Variants in CSMD1 observed in about 807,000 individuals in gnomAD.
CSMD1 encodes the protein CUB and Sushi multiple domains 1.
A neutral mutation model predicts 417.5 loss-of-function variants in CSMD1; 213 were observed. That is an observed-to-expected ratio of 0.51 (90% CI 0.46 to 0.57). The LOEUF (loss-of-function observed/expected upper bound fraction) is 0.57, where lower values mean the gene tolerates loss of function less well. CSMD1 is among the 20% of genes least tolerant of loss of function. The probability of loss-of-function intolerance (pLI) is 0.00; values close to 1 mark genes in which losing one functional copy is unlikely to be tolerated. For missense variants in CSMD1, 6,923 were observed against 4,529.7 expected, an observed-to-expected ratio of 1.53 and a Z score of -15.17; for synonymous variants, 2,862 against 1,736.8, an observed-to-expected ratio of 1.65 and a Z score of -16.11.
chr8:3,191,430 T>C (rs1265984040), intron 33 of CSMD1, among the ~76,000 whole-genome samples: 1 of 152,102 alleles, frequency 6.6e-6, no homozygotes, highest in African/African-American at 2.4e-5. Flanking sequence ...CACTCCAGCC[T>C]GGGTGAAAGA....
chr8:3,121,149 T>C (rs1382320859), intron 41 of CSMD1, among the ~76,000 whole-genome samples: 1 of 152,130 alleles, frequency 6.6e-6, no homozygotes. Flanking sequence ...TATCTTTCAA[T>C]AGTCACAGAT....
rs147650219 is a variant in CSMD1 at position 3,522,555 on chromosome 8, C to A, written c.1345-28829G>T. ...CCCCTGAGTTATAAGTACTTTATGA[C>A]TGAGAATAGAGAAAGAAATGGGAAC... On this transcript the variant is annotated intron_variant, in intron 10 of 69. Coordinates refer to ENST00000635120, the MANE Select transcript of CSMD1 (RefSeq NM_033225.6). Among the ~76,000 whole-genome samples the A allele has an allele frequency of 1.0e-3, 159 of 152,164 alleles. 2 individuals are homozygous for A. Among genetic ancestry groups the A allele is most frequent in the Admixed American group, 8.0e-3 (122 of 15,268 alleles).
At chr8:4,435,960 C>T (rs1285841700) in intron 2 of CSMD1, among the ~76,000 whole-genome samples, 1 of 152,156 alleles carries the variant, frequency 6.6e-6, no homozygotes, top group African/African-American at 2.4e-5. Flanking sequence ...GCCTTTACAT[C>T]CACACATCAC....
chr8:2,957,763 A>G lies in CSMD1; in HGVS notation c.9747T>C (p.Ile3249=), dbSNP rs1341317813. 2.5e-5 allele frequency: 40 copies of G among 1,598,452 alleles called. No homozygotes were observed. Among genetic ancestry groups the G allele is most frequent in the Non-Finnish European group, 3.4e-5 (40 of 1,171,690 alleles). Residue 3249 remains isoleucine (I), a synonymous_variant, in exon 63 of 70, where the codon ATT becomes ATC. Coordinates refer to ENST00000635120, the MANE Select transcript of CSMD1 (RefSeq NM_033225.6). ...GGCAGGTGCGAGTCGTGGAACCTTG[A>G]ATATGGTAGCCTTTTCTGCACCTGA... is the stretch of plus-strand genomic sequence containing the variant. ...VFFRCRKGYH[I]QGSTTRTCLA...
chr8:3,760,682 C>A (rs939562213), intron 5 of CSMD1, among the ~76,000 whole-genome samples: 1 of 152,172 alleles, frequency 6.6e-6, no homozygotes, highest in Non-Finnish European at 1.5e-5. Context: ...TTTGGAAATG[C>A]TAATGGTTTT....
intron 3 of CSMD1, among the ~76,000 whole-genome samples, chr8:4,135,825 T>C (rs192819928): frequency 2.0e-3 from 302 of 152,292 alleles, no homozygotes; most frequent in African/African-American, 7.0e-3. Flanking sequence ...AACAATGGGA[T>C]AGATGTAACT....
At chr8:4,120,335 T>C (rs1009612237) in intron 3 of CSMD1, among the ~76,000 whole-genome samples, 1 of 152,096 alleles carries the variant, frequency 6.6e-6, no homozygotes, top group Non-Finnish European at 1.5e-5. Flanking sequence ...TACTTAGCTA[T>C]AAGATAAGAT....
In CSMD1 at chr8:3,266,306, C is replaced by T. The variant is rs73500054; in HGVS notation, c.4153+17838G>A. The stretch of plus-strand genomic sequence containing the variant: ...GTAGCACCACAGTTCTGCAAGGGGC[C>T]GTTTAAGAGAACCACCCGGCCGGGC... On this transcript the variant is annotated intron_variant, in intron 26 of 69. Transcript: ENST00000635120. 6.6e-5 allele frequency among the ~76,000 whole-genome samples: 10 copies of T among 151,314 alleles called. No individual in the cohort carries two copies. The East Asian group carries it at 1.4e-3, about 21-fold the overall frequency.
intron 12 of CSMD1, among the ~76,000 whole-genome samples, chr8:3,459,662 G>C (rs1009498982): frequency 8.5e-5 from 13 of 152,128 alleles, no homozygotes; most frequent in African/African-American, 3.1e-4. Context: ...GGTGGACTCA[G>C]AGAACCAGAG....
In CSMD1 at chr8:2,964,858, G is replaced by C. The variant is rs188429842; in HGVS notation, c.9280+917C>G. On this transcript the variant is annotated intron_variant, in intron 59 of 69. Coordinates refer to ENST00000635120, the MANE Select transcript of CSMD1 (RefSeq NM_033225.6). ...TTTTGAGCATTCAGGTCACATTTAA[G>C]CCTCTGCCACATTTAACCATGTGTC... Among the ~76,000 whole-genome samples, 687 of 152,256 alleles carry C rather than the reference G, an allele frequency of 4.5e-3. 3 individuals carry two copies. Among genetic ancestry groups the C allele is most frequent in the African/African-American group, 0.016 (650 of 41,554 alleles).
intron 10 of CSMD1, among the ~76,000 whole-genome samples, chr8:3,557,817 T>C (rs1799221915): frequency 6.6e-6 from 1 of 152,208 alleles, no homozygotes; most frequent in Admixed American, 6.5e-5. Flanking sequence ...AGGTTGATTA[T>C]TAATAGCATT....
At chr8:4,963,469 G>T (rs11136814) in intron 1 of CSMD1, among the ~76,000 whole-genome samples, 1 of 152,052 alleles carries the variant, frequency 6.6e-6, no homozygotes, top group Non-Finnish European at 1.5e-5. Flanking sequence ...CAAAGTGCTG[G>T]GATTACAGGG....
Position 3,189,768 on chromosome 8 carries a change from C to G in CSMD1, c.5398+144G>C, listed in dbSNP as rs950908231. On this transcript the variant is annotated intron_variant, in intron 34 of 69. Coordinates refer to ENST00000635120, the MANE Select transcript of CSMD1 (RefSeq NM_033225.6). ...ATAATTTTTAGGGTTTGGCTACTAA[C>G]TCAATTACTTCCCATGAAACAAACT... 3 of 653,706 alleles carry G rather than the reference C, an allele frequency of 4.6e-6. No homozygotes were observed. In the African/African-American group the frequency reaches 5.6e-5, roughly 12 times the overall value. The allele number at this position is 653,706 out of a possible 1,614,324, so 40.5% of individuals were successfully genotyped here. A position where few individuals can be genotyped will look rare whatever the true frequency, so the allele number is the denominator to read the frequency against.
At chr8:4,692,235 G>T (rs1366363255) in intron 1 of CSMD1, among the ~76,000 whole-genome samples, 1 of 152,162 alleles carries the variant, frequency 6.6e-6, no homozygotes, top group East Asian at 1.9e-4. Context: ...CAAGTCCTCT[G>T]CAAGCCACTC....
chr8:3,965,899 G>A (rs991034849), intron 5 of CSMD1, among the ~76,000 whole-genome samples: 2 of 152,162 alleles, frequency 1.3e-5, no homozygotes, highest in East Asian at 1.9e-4. Context: ...CTACAGGTAT[G>A]AGCCACCATG....
intron 1 of CSMD1, among the ~76,000 whole-genome samples, chr8:4,970,086 CATAAAA>C (rs1810143819): frequency 6.6e-6 from 1 of 152,044 alleles, no homozygotes; most frequent in Non-Finnish European, 1.5e-5. Flanking sequence ...TTCAGTTTCA[CATAAAA>C]ATAATATATA....
At chr8:3,772,405 A>T (rs369735846) in intron 5 of CSMD1, among the ~76,000 whole-genome samples, 2,244 of 57,914 alleles carry the variant, frequency 0.039, 636 homozygotes, top group African/African-American at 0.11. Context: ...ACACATATAT[A>T]CATATATTTA....
intron 2 of CSMD1, among the ~76,000 whole-genome samples, chr8:4,580,579 T>C (rs1237139800): frequency 6.6e-6 from 1 of 152,122 alleles, no homozygotes; most frequent in East Asian, 1.9e-4. Flanking sequence ...GCTCCTCCTT[T>C]CTCCTCTTCC....
intron 2 of CSMD1, among the ~76,000 whole-genome samples, chr8:4,503,832 G>A (rs528190534): frequency 3.2e-4 from 49 of 152,178 alleles, no homozygotes; most frequent in Non-Finnish European, 4.4e-4. Context: ...CTTTTAAAAG[G>A]CATTTTTCTC....
Sources: gnomAD v4.1 joint callset for allele counts (sites outside exome capture counted in the v4.1 genomes callset) on GRCh38, gnomAD v4.1.1 for gene constraint, MANE v1.5 for transcripts, NCBI Gene and HGNC (gene_info 2026-07-23, HGNC 2026-07-21) for gene names.